The following TNC variants were observed in gnomAD, a reference collection of about 807,000 sequenced individuals.
The protein encoded by TNC is tenascin C.
In TNC, 109 loss-of-function variants were observed where a neutral mutation model predicts 202.4. That is an observed-to-expected ratio of 0.54 (90% CI 0.46 to 0.63). TNC has a LOEUF of 0.63. Among genes scored for constraint, TNC ranks in the 30% least tolerant of loss-of-function variants. TNC has a pLI of 0.00. For synonymous variants in TNC, 1,007 were observed against 1,089.7 expected (o/e 0.92, Z 1.50); for missense variants, 2,756 against 2,833.3 (o/e 0.97, Z 0.62).
intron 1 of TNC, among the ~76,000 whole-genome samples, chr9:115,108,918 C>T (rs557810746): frequency 6.6e-6 from 1 of 152,322 alleles, no homozygotes; most frequent in South Asian, 2.1e-4. Context: ...TTGTAAGTCA[C>T]TCAGTTTATG....
chr9:115,029,545 G>T, intron 24 of TNC, 89 bp from the exon 25 acceptor site: 1 of 1,277,052 alleles, frequency 7.8e-7, no homozygotes, highest in Non-Finnish European at 1.1e-6. Context: ...GCACTGTGGA[G>T]AGAGCATCAG....
intron 1 of TNC, chr9:115,112,668 C>T (rs1837168302): frequency 6.6e-6 from 1 of 152,276 alleles, no homozygotes; most frequent in Non-Finnish European, 1.5e-5. Flanking sequence ...AAGACCATCC[C>T]ACAGTCCTGG....
At chr9:115,099,257 T>C (rs1836036175) in intron 1 of TNC, among the ~76,000 whole-genome samples, 1 of 152,128 alleles carries the variant, frequency 6.6e-6, no homozygotes, top group Admixed American at 6.6e-5. Flanking sequence ...GATAGCCTAG[T>C]GGTGGTGGGG....
intron 9 of TNC, among the ~76,000 whole-genome samples, chr9:115,075,414 G>A (rs528159052): frequency 2.0e-5 from 3 of 152,128 alleles, no homozygotes; most frequent in African/African-American, 7.2e-5. Flanking sequence ...ACTAGATAAT[G>A]GTTTATTTAA....
At chr9:115,061,493 C>G (rs906019782) in intron 13 of TNC, among the ~76,000 whole-genome samples, 1 of 152,204 alleles carries the variant, frequency 6.6e-6, no homozygotes, top group Non-Finnish European at 1.5e-5. Flanking sequence ...ATCTTGCACA[C>G]AGACCACACC....
chr9:115,053,471 C>T (rs1453139953), intron 15 of TNC, among the ~76,000 whole-genome samples: 2 of 152,206 alleles, frequency 1.3e-5, no homozygotes, highest in Admixed American at 6.5e-5. Flanking sequence ...TAGAGATTCA[C>T]AAGGTGGGTT....
In TNC at chr9:115,043,740, C is replaced by A. The variant is rs375695456; in HGVS notation, c.5126-1399G>T. ...CGAGATGAGTCTAACTGGGAAAAAA[C>A]AAACAAACAAACAAACAAAAAACAG... On this transcript the variant is annotated intron_variant, in intron 17 of 27. Transcript: ENST00000350763. Among the ~76,000 whole-genome samples the A allele has an allele frequency of 2.9e-3, 437 of 151,964 alleles. 12 individuals carry two copies. In the East Asian group the frequency reaches 0.056, roughly 19 times the overall value.
chr9:115,048,814 A>G (rs572681210), intron 15 of TNC, among the ~76,000 whole-genome samples: 5 of 152,350 alleles, frequency 3.3e-5, no homozygotes, highest in Admixed American at 3.3e-4. Flanking sequence ...AGCTTGTAAG[A>G]AGAGATAGAG....
At chr9:115,049,884 G>A (rs1306198301) in intron 15 of TNC, among the ~76,000 whole-genome samples, 1 of 152,090 alleles carries the variant, frequency 6.6e-6, no homozygotes, top group Admixed American at 6.6e-5. Flanking sequence ...AATGAATAAG[G>A]GAATGAATAC....
At chr9:115,105,217 A>G (rs1221162469) in intron 1 of TNC, among the ~76,000 whole-genome samples, 2 of 152,214 alleles carry the variant, frequency 1.3e-5, no homozygotes, top group African/African-American at 2.4e-5. Context: ...AGGGAAAACT[A>G]AGACTACTCC....
At chr9:115,051,531 T>C (rs1490684773) in intron 15 of TNC, among the ~76,000 whole-genome samples, 1 of 98,552 alleles carries the variant, frequency 1.0e-5, no homozygotes, top group Non-Finnish European at 2.1e-5. Context: ...CTTTTTTCTT[T>C]TTTTTCTTTT....
intron 1 of TNC, among the ~76,000 whole-genome samples, chr9:115,112,093 C>T (rs769906236): frequency 2.6e-5 from 4 of 152,100 alleles, no homozygotes; most frequent in Non-Finnish European, 1.5e-5. Flanking sequence ...TGGCTCGGTC[C>T]GTGTGAGTTA....
At chr9:115,028,623 C>T (rs112392968) in intron 25 of TNC, among the ~76,000 whole-genome samples, 2,442 of 151,494 alleles carry the variant, frequency 0.016, 28 homozygotes, top group Middle Eastern at 0.024. Context: ...TTAACTCTGC[C>T]AATAGGAAAA....
rs1400504147 is a variant in TNC at position 115,026,651 on chromosome 9, G to A, written c.6214C>T (p.Leu2072Phe). 4.3e-6 allele frequency: 7 copies of A among 1,613,950 alleles called. No individual in the cohort carries two copies. Among genetic ancestry groups the A allele is most frequent in the Non-Finnish European group, 5.9e-6 (7 of 1,179,974 alleles). The change falls in exon 26 of 28, where the codon CTC becomes TTC. Residue 2072 changes from leucine to phenylalanine, a missense_variant. Coordinates refer to ENST00000350763, the MANE Select transcript of TNC (RefSeq NM_002160.4). ...CCATGGTCCCGCAGGTCCACCCGGAGCTCGTACTGCCCCTGGGCTGTGATT... is the reference window on the plus strand; with the variant it reads ...CCATGGTCCCGCAGGTCCACCCGGAACTCGTACTGCCCCTGGGCTGTGATT... ...NKITAQGQYE[L>F]RVDLRDHGET... is the part of the protein sequence containing the mutation.
intron 13 of TNC, among the ~76,000 whole-genome samples, chr9:115,060,868 C>G (rs1171456357): frequency 6.6e-6 from 1 of 152,092 alleles, no homozygotes; most frequent in African/African-American, 2.4e-5. Context: ...ATGGCTGTAT[C>G]ACAGAGCAAA....
At chr9:115,083,084 T>C (rs1201700933) in intron 4 of TNC, among the ~76,000 whole-genome samples, 1 of 152,232 alleles carries the variant, frequency 6.6e-6, no homozygotes. Context: ...GGTTAGAATC[T>C]AAGCTCTACT....
At chr9:115,098,979 T>C (rs1412211460) in intron 1 of TNC, among the ~76,000 whole-genome samples, 1 of 143,730 alleles carries the variant, frequency 7.0e-6, no homozygotes, top group Non-Finnish European at 1.5e-5. Flanking sequence ...CTGATCTCCA[T>C]AGTTGAGTGA....
At chr9:115,076,787 T>G (rs986908822) in intron 7 of TNC, among the ~76,000 whole-genome samples, 3 of 152,220 alleles carry the variant, frequency 2.0e-5, no homozygotes, top group Non-Finnish European at 4.4e-5. Flanking sequence ...TGCGACACTT[T>G]AGTCATTTGT....
rs1437988375 is a variant in TNC at position 115,082,810 on chromosome 9, G to A, written c.2132-3C>T. 3 of 1,603,298 alleles carry A rather than the reference G, an allele frequency of 1.9e-6. No individual in the cohort carries two copies. Among genetic ancestry groups the A allele is most frequent in the Admixed American group, 1.7e-5 (1 of 59,976 alleles). On this transcript the variant is annotated splice_polypyrimidine_tract_variant and splice_region_variant and intron_variant, in intron 4 of 27. Coordinates refer to ENST00000350763, the MANE Select transcript of TNC (RefSeq NM_002160.4). Reference sequence around the variant, plus strand: ...CAGGCCTTCAGGTGCAGGTAAGTCTGTAAGTAACAACATAAATAGAACGTA... The same window carrying A: ...CAGGCCTTCAGGTGCAGGTAAGTCTATAAGTAACAACATAAATAGAACGTA...
Sources: allele counts gnomAD v4.1 joint callset (sites outside exome capture counted in the v4.1 genomes callset), GRCh38; gene constraint gnomAD v4.1.1; transcripts MANE v1.5; gene names NCBI Gene and HGNC (gene_info 2026-07-23, HGNC 2026-07-21).